The following B3GALT1 variants were observed in gnomAD, a reference collection of about 807,000 sequenced individuals.
The protein encoded by B3GALT1 is beta-1,3-galactosyltransferase 1.
B3GALT1 carries 10 observed loss-of-function variants against 23.2 expected under a neutral mutation model. The observed-to-expected ratio is 0.43, with a 90% CI of 0.27 to 0.73. B3GALT1 has a LOEUF of 0.73. Among genes scored for constraint, B3GALT1 ranks in the 30% least tolerant of loss-of-function variants. B3GALT1 has a pLI of 0.21. For missense variants in B3GALT1, 299 were observed against 405.4 expected, an observed-to-expected ratio of 0.74 and a Z score of 2.25; for synonymous variants, 156 against 141.5, an observed-to-expected ratio of 1.10 and a Z score of -0.73.
At chr2:167,841,135 C>T (rs1689640324) in intron 4 of B3GALT1, among the ~76,000 whole-genome samples, 1 of 150,976 alleles carries the variant, frequency 6.6e-6, no homozygotes, top group African/African-American at 2.4e-5. Flanking sequence ...TGTAACTAAC[C>T]TGCACATTGT....
At chr2:167,707,523 T>A (rs1474642811) in intron 3 of B3GALT1, among the ~76,000 whole-genome samples, 3 of 151,642 alleles carry the variant, frequency 2.0e-5, no homozygotes, top group African/African-American at 7.3e-5. Flanking sequence ...TTTTTCCGGC[T>A]TCTAGAAGCA....
intron 3 of B3GALT1, among the ~76,000 whole-genome samples, chr2:167,803,103 CA>C (rs1688671011): frequency 6.6e-6 from 1 of 151,450 alleles, no homozygotes; most frequent in African/African-American, 2.4e-5. Flanking sequence ...CACACACACA[CA>C]CACACACACA....
intron 1 of B3GALT1, among the ~76,000 whole-genome samples, chr2:167,359,599 A>G (rs947825171): frequency 2.0e-5 from 3 of 152,184 alleles, no homozygotes; most frequent in Non-Finnish European, 2.9e-5. Context: ...CCCTATGTCA[A>G]CAGGGCCTCC....
intron 2 of B3GALT1, among the ~76,000 whole-genome samples, chr2:167,622,990 A>T (rs1685284890): frequency 6.6e-6 from 1 of 152,086 alleles, no homozygotes; most frequent in Admixed American, 6.6e-5. Context: ...ATATTGTTAC[A>T]TATGGTTAGC....
At chr2:167,419,884 G>T (rs1698521541) in intron 1 of B3GALT1, among the ~76,000 whole-genome samples, 1 of 152,188 alleles carries the variant, frequency 6.6e-6, no homozygotes, top group African/African-American at 2.4e-5. Flanking sequence ...ACTGTATCAG[G>T]TAAAGTTATC....
intron 1 of B3GALT1, among the ~76,000 whole-genome samples, chr2:167,449,840 A>G (rs1319074078): frequency 1.3e-5 from 2 of 152,112 alleles, no homozygotes; most frequent in Admixed American, 6.5e-5. Context: ...TTCTGTGTCT[A>G]TTGAGATAAT....
At chr2:167,473,660 C>G (rs961488331) in intron 1 of B3GALT1, among the ~76,000 whole-genome samples, 7 of 151,988 alleles carry the variant, frequency 4.6e-5, no homozygotes, top group Non-Finnish European at 8.8e-5. Flanking sequence ...TTTGGCTGAT[C>G]AGTTTTTTGA....
chr2:167,610,554 A>G (rs1685041785), intron 2 of B3GALT1, among the ~76,000 whole-genome samples: 1 of 152,106 alleles, frequency 6.6e-6, no homozygotes, highest in South Asian at 2.1e-4. Flanking sequence ...AGGTGGAACT[A>G]TCACAAAAGC....
chr2:167,755,636 G>A (rs1687804299), intron 3 of B3GALT1, among the ~76,000 whole-genome samples: 1 of 151,890 alleles, frequency 6.6e-6, no homozygotes, highest in Admixed American at 6.6e-5. Context: ...CTAAGTGGCT[G>A]AGAGTCCCCT....
chr2:167,635,089 T>G (rs1053076245), intron 2 of B3GALT1, among the ~76,000 whole-genome samples: 1 of 151,996 alleles, frequency 6.6e-6, no homozygotes, highest in African/African-American at 2.4e-5. Flanking sequence ...ACAGAACCAA[T>G]GACAAAAACC....
intron 2 of B3GALT1, among the ~76,000 whole-genome samples, chr2:167,585,023 A>G (rs1304854048): frequency 6.6e-6 from 1 of 152,036 alleles, no homozygotes; most frequent in Non-Finnish European, 1.5e-5. Flanking sequence ...GAATGTCCCA[A>G]TCCTCTACTC....
intron 1 of B3GALT1, among the ~76,000 whole-genome samples, chr2:167,337,258 G>A (rs1383880001): frequency 3.3e-5 from 5 of 151,984 alleles, no homozygotes; most frequent in South Asian, 2.1e-4. Flanking sequence ...GGGATATAAG[G>A]TAATATGCTG....
At chr2:167,728,746 T>A (rs1204704214) in intron 3 of B3GALT1, among the ~76,000 whole-genome samples, 2 of 152,234 alleles carry the variant, frequency 1.3e-5, no homozygotes, top group Non-Finnish European at 2.9e-5. Flanking sequence ...TTTTTAATGA[T>A]TGCATATTGT....
intron 1 of B3GALT1, among the ~76,000 whole-genome samples, chr2:167,366,961 C>A (rs1032727475): frequency 2.0e-5 from 3 of 152,170 alleles, no homozygotes; most frequent in East Asian, 1.9e-4. Context: ...ATAGAAATGG[C>A]TCAGTGCTAC....
In B3GALT1 at chr2:167,446,901, G is replaced by A. The variant is rs191349118; in HGVS notation, c.-510-43276G>A. 2.9e-4 allele frequency among the ~76,000 whole-genome samples: 44 copies of A among 152,246 alleles called. 1 individual carries two copies. The highest frequency in any genetic ancestry group is 9.4e-4 in the African/African-American group (39 of 41,518). ...TCCATCCAACTTTGTTGTGTTGCTG[G>A]TGAGGAGCTACGTTCCTTTGGAGGA... On this transcript the variant is annotated intron_variant, in intron 1 of 4. Transcript: ENST00000392690.
At chr2:167,512,264 T>C (rs547672244) in intron 2 of B3GALT1, among the ~76,000 whole-genome samples, 30 of 151,942 alleles carry the variant, frequency 2.0e-4, no homozygotes, top group African/African-American at 6.7e-4. Context: ...TTATCAGTTA[T>C]AGCATATCTC....
intron 3 of B3GALT1, among the ~76,000 whole-genome samples, chr2:167,775,099 A>G (rs536229846): frequency 1.3e-5 from 2 of 152,332 alleles, no homozygotes; most frequent in African/African-American, 2.4e-5. Context: ...CTAGAACTCT[A>G]TAAGAAGGAA....
intron 1 of B3GALT1, among the ~76,000 whole-genome samples, chr2:167,384,001 A>G (rs370084646): frequency 5.1e-4 from 77 of 152,350 alleles, no homozygotes; most frequent in African/African-American, 1.7e-3. Flanking sequence ...AACTATTTGC[A>G]CATAGGTTAC....
chr2:167,367,437 A>G (rs1449251843), intron 1 of B3GALT1, among the ~76,000 whole-genome samples: 1 of 152,188 alleles, frequency 6.6e-6, no homozygotes, highest in Admixed American at 6.5e-5. Context: ...TCTCTACTGG[A>G]TAGAGAGACA....
Sources: allele counts gnomAD v4.1 joint callset (sites outside exome capture counted in the v4.1 genomes callset), GRCh38; gene constraint gnomAD v4.1.1; transcripts MANE v1.5; gene names NCBI Gene and HGNC (gene_info 2026-07-23, HGNC 2026-07-21).